SCARA3: variants seen among roughly 807,000 people sequenced by gnomAD.
SCARA3 encodes cellular stress response gene protein.
Under a neutral mutation model 47.0 loss-of-function variants are expected in SCARA3, and 39 were observed. That is an observed-to-expected ratio of 0.83 (90% CI 0.64 to 1.08). SCARA3 has a LOEUF of 1.08. SCARA3 is among the 50% of genes least tolerant of loss of function. The pLI is 0.00. For missense variants in SCARA3, 724 were observed against 792.3 expected (o/e 0.91, Z 1.04); for synonymous variants, 356 against 334.1 (o/e 1.07, Z -0.71).
At chr8:27,696,220 G>A in the SCARA3 span, among the ~76,000 whole-genome samples, 1 of 151,974 alleles carries the variant, frequency 6.6e-6, no homozygotes, top group Non-Finnish European at 1.5e-5. Flanking sequence ...GTGTTTCTGA[G>A]GCTGGTCTCG....
the SCARA3 span, chr8:27,733,939 G>GT: frequency 1.3e-5 from 2 of 152,194 alleles, no homozygotes; most frequent in Non-Finnish European, 2.9e-5. Flanking sequence ...CCTGCTGTGT[G>GT]TATGGCTCAC....
the SCARA3 span, chr8:27,702,629 A>C: frequency 6.6e-6 from 1 of 152,360 alleles, no homozygotes; most frequent in African/African-American, 2.4e-5. Flanking sequence ...GTCAGAACTC[A>C]GTTCTGTGGG....
chr8:27,720,591 C>T, the SCARA3 span, among the ~76,000 whole-genome samples: 1 of 151,928 alleles, frequency 6.6e-6, no homozygotes, highest in Non-Finnish European at 1.5e-5. Flanking sequence ...TATTTCTGTT[C>T]CAGCTGATCT....
chr8:27,729,103 G>T, the SCARA3 span, among the ~76,000 whole-genome samples: 9 of 152,262 alleles, frequency 5.9e-5, no homozygotes, highest in East Asian at 1.7e-3. Context: ...AAGTGATCAG[G>T]AAATCATGGA....
chr8:27,633,779 C>T (rs1216067151), upstream of SCARA3: 2 of 151,636 alleles, frequency 1.3e-5, no homozygotes, highest in Non-Finnish European at 1.5e-5. Context: ...TGATCTGGGC[C>T]GGGGCCCAAG....
chr8:27,701,433 C>T, the SCARA3 span: 1 of 152,018 alleles, frequency 6.6e-6, no homozygotes, highest in Non-Finnish European at 1.5e-5. Flanking sequence ...TGCCTCAGTA[C>T]AGTAGATTTT....
intron 3 of SCARA3, among the ~76,000 whole-genome samples, chr8:27,653,213 G>A (rs1266639169): frequency 1.3e-5 from 2 of 152,212 alleles, no homozygotes; most frequent in African/African-American, 2.4e-5. Flanking sequence ...AGAGAAGAGC[G>A]CAGGCACCGA....
At chr8:27,719,344 G>A in the SCARA3 span, among the ~76,000 whole-genome samples, 9 of 152,192 alleles carry the variant, frequency 5.9e-5, no homozygotes, top group Non-Finnish European at 8.8e-5. Context: ...ACACGTGGAC[G>A]CATAGAAGGG....
In SCARA3 at chr8:27,671,734, A is replaced by C; in HGVS notation, c.*383A>C. 3.9e-6 allele frequency: 4 copies of C among 1,024,592 alleles called. No homozygotes were observed. Among genetic ancestry groups the C allele is most frequent in the South Asian group, 4.6e-5 (1 of 21,722 alleles). 63.5% of individuals were successfully genotyped at this position (1,024,592 alleles called of 1,614,324 possible). A position where few individuals can be genotyped will look rare whatever the true frequency, so the allele number is the denominator to read the frequency against. On this transcript the variant is annotated 3_prime_UTR_variant, in exon 6 of 6. Transcript: ENST00000301904. ...TGCACACATACACATGCACACACACATGCACACATATATGCACAGGCACAC... is the reference window on the plus strand; with the variant it reads ...TGCACACATACACATGCACACACACCTGCACACATATATGCACAGGCACAC...
rs1242595177 is a variant in SCARA3, at chr8:27,658,836, G to T, written c.666G>T (p.Gln222His). 2.5e-6 allele frequency: 4 copies of T among 1,614,188 alleles called. No homozygotes were observed. In the East Asian group the frequency reaches 6.7e-5, roughly 27 times the overall value. ...ACGATGTCAAGGCTGCAGTGCACCA[G>T]ATCAACTTCACCGTGGGGCAGACTT... Reference protein sequence around the residue: ...ECYDVKAAVHQINFTVGQTSE... With the variant: ...ECYDVKAAVHHINFTVGQTSE... The change falls in exon 5 of 6, where the codon CAG (glutamine) becomes CAT (histidine). Residue 222 changes from glutamine (Q) to histidine (H), a missense_variant. Physicochemically the swap from Gln to His is conservative, Grantham distance 24 (BLOSUM62 0). Transcript: ENST00000301904.
Position 27,659,221 on chromosome 8 carries a change from G to A in SCARA3, c.1051G>A (p.Ala351Thr), listed in dbSNP as rs367943282. ...ERFESLEGRM[A>T]SHEIEIGTIF... Reference sequence around the variant, plus strand: ...GTTTGAGTCTCTGGAAGGACGCATGGCTTCTCACGAGATTGAAATTGGCAC... The same window carrying A: ...GTTTGAGTCTCTGGAAGGACGCATGACTTCTCACGAGATTGAAATTGGCAC... Residue 351 changes from alanine to threonine, a missense_variant, in exon 5 of 6, where the codon GCT (alanine) becomes ACT (threonine). Ala to Thr is a moderately conservative substitution (Grantham distance 58, BLOSUM62 0). Coordinates refer to ENST00000301904, the MANE Select transcript of SCARA3 (RefSeq NM_016240.3). 8.7e-6 allele frequency: 14 copies of A among 1,614,022 alleles called. No individual in the cohort carries two copies. The African/African-American group carries it at 1.6e-4, about 18-fold the overall frequency.
chr8:27,724,059 C>T, the SCARA3 span, among the ~76,000 whole-genome samples: 1 of 152,156 alleles, frequency 6.6e-6, no homozygotes, highest in East Asian at 1.9e-4. Flanking sequence ...TCTTATTTTC[C>T]AGAGGTCAAC....
the SCARA3 span, among the ~76,000 whole-genome samples, chr8:27,690,875 G>T: frequency 1.1e-4 from 17 of 151,986 alleles, no homozygotes; most frequent in African/African-American, 4.1e-4. Context: ...TGGAGAGGAG[G>T]TCTCTGTATA....
At chr8:27,647,626 G>A (rs1303955956) in intron 1 of SCARA3, among the ~76,000 whole-genome samples, 1 of 152,232 alleles carries the variant, frequency 6.6e-6, no homozygotes, top group Non-Finnish European at 1.5e-5. Context: ...AAGCGCTGGG[G>A]AAGAGAGCTG....
At chr8:27,674,856 G>A (rs1802240391), downstream of SCARA3, among the ~76,000 whole-genome samples, 1 of 151,360 alleles carries the variant, frequency 6.6e-6, no homozygotes, top group African/African-American at 2.4e-5. Context: ...AGCCTCCCGA[G>A]TAGCTGGGAC....
chr8:27,652,008 T>C (rs954106138), intron 3 of SCARA3, among the ~76,000 whole-genome samples: 1 of 152,242 alleles, frequency 6.6e-6, no homozygotes, highest in African/African-American at 2.4e-5. Context: ...GATGATTCTG[T>C]TGTTCACCCA....
the SCARA3 span, among the ~76,000 whole-genome samples, chr8:27,730,110 C>T: frequency 1.3e-5 from 2 of 152,212 alleles, no homozygotes; most frequent in Non-Finnish European, 2.9e-5. Flanking sequence ...CTGCCCCACC[C>T]TCAAGCACAG....
At chr8:27,684,038 C>T in the SCARA3 span, among the ~76,000 whole-genome samples, 12 of 152,116 alleles carry the variant, frequency 7.9e-5, no homozygotes, top group East Asian at 3.8e-4. Flanking sequence ...CCTTGCCTCA[C>T]GTTGTGCAGG....
Position 27,659,408 on chromosome 8 carries a change from T to G in SCARA3, c.1238T>G (p.Leu413Arg). Residue 413 changes from leucine (L) to arginine (R), a missense_variant, in exon 5 of 6, where the codon CTC (leucine) becomes CGC (arginine). Transcript: ENST00000301904. Reference protein sequence around the residue: ...VSIMLGTTDLLRERFSLLSAR... With the variant: ...VSIMLGTTDLRRERFSLLSAR... ...ATCATGCTGGGCACCACAGACCTGC[T>G]CCGGGAGCGCTTCAGCCTGCTCAGT... 1 of 1,613,876 alleles carries G rather than the reference T, an allele frequency of 6.2e-7. No homozygotes were observed. Among genetic ancestry groups the G allele is most frequent in the Non-Finnish European group, 8.5e-7 (1 of 1,179,890 alleles).
Sources: gnomAD v4.1 joint callset for allele counts (sites outside exome capture counted in the v4.1 genomes callset) on GRCh38, gnomAD v4.1.1 for gene constraint, MANE v1.5 for transcripts, NCBI Gene and HGNC (gene_info 2026-07-23, HGNC 2026-07-21) for gene names.